The following ERC1 variants were observed in gnomAD, a reference collection of about 807,000 sequenced individuals.
The protein encoded by ERC1 is RAB6 interacting protein 2.
Under a neutral mutation model 132.0 loss-of-function variants are expected in ERC1, and 56 were observed. The observed-to-expected ratio is 0.42, with a 90% confidence interval of 0.34 to 0.53. The LOEUF (loss-of-function observed/expected upper bound fraction) is 0.53, where lower values mean the gene tolerates loss of function less well. Among genes scored for constraint, ERC1 ranks in the 20% least tolerant of loss-of-function variants. The probability of loss-of-function intolerance (pLI) is 0.03; values close to 1 mark genes in which losing one functional copy is unlikely to be tolerated. For missense variants in ERC1, 1,202 were observed against 1,349.9 expected (o/e 0.89, Z 1.72); for synonymous variants, 478 against 476.1 (o/e 1.00, Z -0.05).
intron 5 of ERC1, 126 bp downstream of exon 5, chr12:1,110,473 T>C (rs550345629): frequency 6.5e-4 from 470 of 722,770 alleles, no homozygotes; most frequent in Non-Finnish European, 9.0e-4. Flanking sequence ...AAGAATACTT[T>C]TAGCATAGTT....
intron 15 of ERC1, among the ~76,000 whole-genome samples, chr12:1,308,056 A>T (rs1354964660): frequency 6.6e-6 from 1 of 152,210 alleles, no homozygotes; most frequent in Non-Finnish European, 1.5e-5. Context: ...CATATAAGAC[A>T]TCATTTTATT....
intron 7 of ERC1, among the ~76,000 whole-genome samples, chr12:1,122,475 GTCTCTA>G (rs201214905): frequency 7.0e-4 from 9 of 12,896 alleles, no homozygotes; most frequent in African/African-American, 1.8e-3. Flanking sequence ...CTCTATCTGT[GTCTCTA>G]TCTCTATCTC....
intron 1 of ERC1, among the ~76,000 whole-genome samples, chr12:1,004,024 C>A (rs1273080233): frequency 6.6e-6 from 1 of 152,122 alleles, no homozygotes; most frequent in East Asian, 1.9e-4. Context: ...GAGAAACTGT[C>A]TCATGGCAGC....
At chr12:1,144,614 G>GTATATATATATATATATATATACGTA (rs142846830) in intron 8 of ERC1, among the ~76,000 whole-genome samples, 8 of 132,288 alleles carry the variant, frequency 6.0e-5, no homozygotes, top group African/African-American at 1.9e-4. Flanking sequence ...GAATTTTGTG[G>GTATATATATATATATATATATACGTA]TATATATATA....
chr12:1,448,366 A>T (rs968532183), intron 18 of ERC1, among the ~76,000 whole-genome samples: 2 of 152,252 alleles, frequency 1.3e-5, no homozygotes, highest in African/African-American at 2.4e-5. Context: ...AAGCTTCTTC[A>T]TAGCTTCTAA....
At chr12:1,421,223 A>G (rs2092414911) in intron 17 of ERC1, among the ~76,000 whole-genome samples, 1 of 152,108 alleles carries the variant, frequency 6.6e-6, no homozygotes, top group African/African-American at 2.4e-5. Context: ...CCTCCCATCT[A>G]CCTGTGCTTT....
intron 15 of ERC1, among the ~76,000 whole-genome samples, chr12:1,319,732 G>C (rs991783663): frequency 5.9e-5 from 9 of 152,116 alleles, no homozygotes; most frequent in African/African-American, 2.2e-4. Flanking sequence ...CATGAATTGA[G>C]TTCATCATTA....
chr12:1,290,089 CTG>C, intron 15 of ERC1, 77 bp downstream of exon 15: 2 of 1,274,380 alleles, frequency 1.6e-6, no homozygotes, highest in Non-Finnish European at 2.2e-6. Context: ...TCTTCTGGCT[CTG>C]TGTTTTACCC....
chr12:1,393,711 A>G (rs1591735714), intron 16 of ERC1, among the ~76,000 whole-genome samples: 2 of 151,470 alleles, frequency 1.3e-5, no homozygotes. Flanking sequence ...CAAGCAGGAG[A>G]AAATATGCTG....
intron 8 of ERC1, among the ~76,000 whole-genome samples, chr12:1,160,571 C>T (rs975866562): frequency 6.6e-5 from 10 of 152,032 alleles, no homozygotes; most frequent in African/African-American, 1.4e-4. Context: ...ATTAGCTGGG[C>T]GTGGTGGTGC....
intron 17 of ERC1, among the ~76,000 whole-genome samples, chr12:1,425,806 T>C (rs892360810): frequency 6.6e-6 from 1 of 152,190 alleles, no homozygotes; most frequent in Non-Finnish European, 1.5e-5. Context: ...ACATGAATTA[T>C]CCAAGAAAAA....
At chr12:1,301,666 G>A (rs1452321278) in intron 15 of ERC1, among the ~76,000 whole-genome samples, 1 of 152,134 alleles carries the variant, frequency 6.6e-6, no homozygotes, top group Non-Finnish European at 1.5e-5. Flanking sequence ...ATTGGAGGGT[G>A]GAGAGTGGAG....
intron 2 of ERC1, among the ~76,000 whole-genome samples, chr12:1,064,764 C>T (rs1209315586): frequency 6.6e-6 from 1 of 152,098 alleles, no homozygotes; most frequent in Non-Finnish European, 1.5e-5. Context: ...TTTCTTTGGG[C>T]TGAATATGTT....
intron 18 of ERC1, among the ~76,000 whole-genome samples, chr12:1,487,763 G>A (rs1592369005): frequency 1.3e-5 from 1 of 77,674 alleles, no homozygotes. Flanking sequence ...GAGGCAAGGA[G>A]GGAGGGAGGG....
At position 1,032,933 on chromosome 12, in the gene ERC1, C is replaced by T. The variant is rs183591058; in HGVS notation, c.669+4361C>T. On this transcript the variant is annotated intron_variant, in intron 2 of 18. Coordinates refer to ENST00000360905, the MANE Select transcript of ERC1 (RefSeq NM_178040.4). ...TGTCACCCAGGCTGGAGTGCAGTGG[C>T]GTAACCTTGGCTCACTGCAACCTCC... Among the ~76,000 whole-genome samples, 37 of 151,900 alleles carry T rather than the reference C, an allele frequency of 2.4e-4. No individual in the cohort carries two copies. In the East Asian group the frequency reaches 4.5e-3, roughly 18 times the overall value.
At chr12:1,006,556 T>G (rs908591390) in intron 1 of ERC1, among the ~76,000 whole-genome samples, 2 of 152,118 alleles carry the variant, frequency 1.3e-5, no homozygotes, top group African/African-American at 4.8e-5. Context: ...CTCATTTTTG[T>G]AATTTTTTTT....
chr12:1,144,428 A>G (rs1950136353), intron 8 of ERC1, among the ~76,000 whole-genome samples: 1 of 151,752 alleles, frequency 6.6e-6, no homozygotes, highest in African/African-American at 2.4e-5. Context: ...TGACTCCCCA[A>G]AGTTCACTGT....
intron 13 of ERC1, among the ~76,000 whole-genome samples, chr12:1,247,341 C>A (rs1243295187): frequency 6.6e-6 from 1 of 152,128 alleles, no homozygotes; most frequent in Non-Finnish European, 1.5e-5. Flanking sequence ...TAGCATTGTA[C>A]CAGTGTTAAT....
chr12:1,126,770 A>G (rs562705438), intron 7 of ERC1, among the ~76,000 whole-genome samples: 85 of 152,116 alleles, frequency 5.6e-4, no homozygotes, highest in African/African-American at 8.9e-4. Context: ...CGGGCGGATC[A>G]TGAGGTCAAG....
Sources: allele counts gnomAD v4.1 joint callset (sites outside exome capture counted in the v4.1 genomes callset), GRCh38; gene constraint gnomAD v4.1.1; transcripts MANE v1.5; gene names NCBI Gene and HGNC (gene_info 2026-07-23, HGNC 2026-07-21).